The following EXT1 variants were observed in gnomAD, a reference collection of about 807,000 sequenced individuals.
EXT1 encodes exostosin glycosyltransferase 1.
In EXT1, 20 loss-of-function variants were observed where a neutral mutation model predicts 82.5. That is an observed-to-expected ratio of 0.24 (90% CI 0.17 to 0.35). The LOEUF is 0.35. Among genes scored for constraint, EXT1 ranks in the 10% least tolerant of loss-of-function variants. EXT1 has a pLI of 1.00. For synonymous variants in EXT1, 348 were observed against 350.8 expected, an observed-to-expected ratio of 0.99 and a Z score of 0.09; for missense variants, 757 against 936.5, an observed-to-expected ratio of 0.81 and a Z score of 2.50.
intron 1 of EXT1, among the ~76,000 whole-genome samples, chr8:117,985,974 G>A (rs181041035): frequency 1.2e-3 from 184 of 152,218 alleles, no homozygotes; most frequent in Non-Finnish European, 2.0e-3. Flanking sequence ...TTATTTCACT[G>A]ATTTTGGACT....
chr8:118,022,957 T>C (rs1203155350), intron 1 of EXT1, among the ~76,000 whole-genome samples: 5 of 152,098 alleles, frequency 3.3e-5, no homozygotes, highest in Non-Finnish European at 7.4e-5. Context: ...AAGTCAAAAG[T>C]CAAATTAATG....
At chr8:117,928,978 G>A (rs1195903921) in intron 1 of EXT1, among the ~76,000 whole-genome samples, 1 of 152,102 alleles carries the variant, frequency 6.6e-6, no homozygotes, top group East Asian at 1.9e-4. Flanking sequence ...ATTGAGCCCA[G>A]GTTGATTAAA....
At chr8:117,899,972 C>T (rs1813410934) in intron 1 of EXT1, among the ~76,000 whole-genome samples, 1 of 152,140 alleles carries the variant, frequency 6.6e-6, no homozygotes, top group Non-Finnish European at 1.5e-5. Context: ...CGTTCAACTA[C>T]AGCAAAATGG....
rs1175880899 is a variant in EXT1 at position 117,837,043 on chromosome 8, G to A, written c.1056+65C>T. 6.2e-6 allele frequency: 7 copies of A among 1,137,314 alleles called. No individual in the cohort carries two copies. The African/African-American group carries it at 1.1e-4, about 17-fold the overall frequency. 70.5% of individuals were successfully genotyped at this position (1,137,314 alleles called of 1,614,324 possible). On this transcript the variant is annotated intron_variant, in intron 2 of 10. Coordinates refer to ENST00000378204, the MANE Select transcript of EXT1 (RefSeq NM_000127.3). ...TAGCTATCCCAGGAGAGGTGATAAT[G>A]TTAAACCCACTTAATCTGGCTTCGG...
intron 1 of EXT1, among the ~76,000 whole-genome samples, chr8:117,923,140 C>A (rs1376578996): frequency 1.3e-5 from 2 of 151,914 alleles, no homozygotes. Flanking sequence ...GCCTCGCCAA[C>A]ATGGTGAAAC....
intron 1 of EXT1, among the ~76,000 whole-genome samples, chr8:118,073,484 G>A (rs914394738): frequency 6.6e-6 from 1 of 152,176 alleles, no homozygotes; most frequent in African/African-American, 2.4e-5. Flanking sequence ...AGCTGGGCAT[G>A]ATGGCACGTG....
At chr8:117,987,221 A>G (rs1193663569) in intron 1 of EXT1, among the ~76,000 whole-genome samples, 4 of 152,250 alleles carry the variant, frequency 2.6e-5, no homozygotes, top group African/African-American at 9.6e-5. Flanking sequence ...TTTATCTTCA[A>G]ACCTGCTCGG....
chr8:117,841,764 A>G (rs1433206563), intron 1 of EXT1, among the ~76,000 whole-genome samples: 1 of 150,000 alleles, frequency 6.7e-6, no homozygotes, highest in African/African-American at 2.5e-5. Flanking sequence ...CTATGGCCAT[A>G]ATCATTTTAT....
chr8:117,900,255 G>T (rs1174270278), intron 1 of EXT1, among the ~76,000 whole-genome samples: 1 of 152,194 alleles, frequency 6.6e-6, no homozygotes, highest in African/African-American at 2.4e-5. Context: ...GAGCAATGAT[G>T]TTTGCTAAGG....
intron 1 of EXT1, among the ~76,000 whole-genome samples, chr8:117,906,943 T>C (rs1406740730): frequency 2.6e-5 from 4 of 152,108 alleles, no homozygotes; most frequent in Admixed American, 2.0e-4. Context: ...AGAATCAGAA[T>C]TCCAAGCAGA....
At chr8:118,076,008 A>G (rs745681963) in intron 1 of EXT1, among the ~76,000 whole-genome samples, 1 of 152,176 alleles carries the variant, frequency 6.6e-6, no homozygotes, top group Non-Finnish European at 1.5e-5. Flanking sequence ...GAGAAAACAA[A>G]TACATACATG....
At chr8:118,045,031 A>G (rs1816600342) in intron 1 of EXT1, among the ~76,000 whole-genome samples, 2 of 152,262 alleles carry the variant, frequency 1.3e-5, no homozygotes, top group Admixed American at 6.5e-5. Flanking sequence ...CGTAAGTCTC[A>G]GCAACCTTCT....
chr8:117,848,975 G>A (rs955748822), intron 1 of EXT1, among the ~76,000 whole-genome samples: 1 of 152,148 alleles, frequency 6.6e-6, no homozygotes, highest in Non-Finnish European at 1.5e-5. Flanking sequence ...GGTCCCATGA[G>A]AACTGGCCTC....
At chr8:117,907,540 A>G (rs7007139) in intron 1 of EXT1, among the ~76,000 whole-genome samples, 117,663 of 152,130 alleles carry the variant, frequency 0.77, 46,236 homozygotes, top group Non-Finnish European at 0.85. Context: ...GAGCACGCTA[A>G]CACTTTCAGT....
Position 117,799,150 on chromosome 8 carries a change from T to C in EXT1, c.*562A>G, listed in dbSNP as rs188472207. 15 of 155,692 alleles carry C rather than the reference T, an allele frequency of 9.6e-5. No homozygotes were observed. The East Asian group carries it at 2.2e-3, about 22-fold the overall frequency. 9.6% of individuals were successfully genotyped at this position (155,692 alleles called of 1,614,324 possible). ...TTTAGAGATAAAAGTTCAAGTGGAT[T>C]TGAAGATTCGAAGTGGAAAACAATT... is the stretch of plus-strand genomic sequence containing the variant. On this transcript the variant is annotated 3_prime_UTR_variant, in exon 11 of 11. Coordinates refer to ENST00000378204, the MANE Select transcript of EXT1 (RefSeq NM_000127.3).
rs1816434835 is a variant in EXT1 at position 118,037,153 on chromosome 8, C to T, written c.962+72932G>A. Among the ~76,000 whole-genome samples, 3 of 152,164 alleles carry T rather than the reference C, an allele frequency of 2.0e-5. No individual in the cohort carries two copies. In the South Asian group the frequency reaches 6.2e-4, roughly 32 times the overall value. On this transcript the variant is annotated intron_variant, in intron 1 of 10. Transcript: ENST00000378204. The stretch of plus-strand genomic sequence containing the variant: ...ACATCTTCTAACTTTATGATCAATG[C>T]TTGTGATTCTCTTCAGAATGTTTTC...
At chr8:118,062,807 A>G (rs1816903677) in intron 1 of EXT1, among the ~76,000 whole-genome samples, 1 of 152,206 alleles carries the variant, frequency 6.6e-6, no homozygotes, top group South Asian at 2.1e-4. Flanking sequence ...GAACAAAGCA[A>G]GGAAACTGCA....
intron 1 of EXT1, among the ~76,000 whole-genome samples, chr8:117,966,086 G>T (rs1814804524): frequency 6.6e-6 from 1 of 151,852 alleles, no homozygotes; most frequent in Non-Finnish European, 1.5e-5. Flanking sequence ...ATCATGAAAC[G>T]ATTCAAAGTG....
Position 117,873,219 on chromosome 8 carries a change from T to C in EXT1, c.963-36018A>G, listed in dbSNP as rs187529404. 6.6e-5 allele frequency among the ~76,000 whole-genome samples: 10 copies of C among 152,194 alleles called. 1 individual carries two copies. Among genetic ancestry groups the C allele is most frequent in the Middle Eastern group, 3.4e-3 (1 of 294 alleles). ...TGGCACCCTGGTCTCGGACTCTGAG[T>C]CTCCACAACTGTGAAAAATAAATTT... On this transcript the variant is annotated intron_variant, in intron 1 of 10. Transcript: ENST00000378204.
Sources: gnomAD v4.1 joint callset for allele counts (sites outside exome capture counted in the v4.1 genomes callset) on GRCh38, gnomAD v4.1.1 for gene constraint, MANE v1.5 for transcripts, NCBI Gene and HGNC (gene_info 2026-07-23, HGNC 2026-07-21) for gene names.